Variants in ADCY2 observed in about 807,000 individuals in gnomAD.
ADCY2 encodes the protein adenylate cyclase type 2.
A neutral mutation model predicts 125.2 loss-of-function variants in ADCY2; 31 were observed. The ratio of observed to expected loss-of-function variants is 0.25; its 90% CI spans 0.19 to 0.33. ADCY2 has a LOEUF of 0.33. ADCY2 is among the 10% of genes least tolerant of loss of function. The probability of loss-of-function intolerance (pLI) is 1.00; values close to 1 mark genes in which losing one functional copy is unlikely to be tolerated. For missense variants in ADCY2, 904 were observed against 1,418.2 expected, an observed-to-expected ratio of 0.64 and a Z score of 5.82; for synonymous variants, 512 against 548.4, an observed-to-expected ratio of 0.93 and a Z score of 0.93.
At chr5:7,803,974 T>C (rs1287673448) in intron 21 of ADCY2, among the ~76,000 whole-genome samples, 2 of 147,844 alleles carry the variant, frequency 1.4e-5, no homozygotes, top group Non-Finnish European at 3.0e-5. Context: ...GTATATCGTA[T>C]GGCTCCTCTT....
chr5:7,708,000 A>G, intron 9 of ADCY2, 162 bp downstream of exon 9: 1 of 755,930 alleles, frequency 1.3e-6, no homozygotes, highest in African/African-American at 1.8e-5. Flanking sequence ...ATGTTTTGTA[A>G]TTATGAATTC....
intron 22 of ADCY2, among the ~76,000 whole-genome samples, chr5:7,805,634 C>G (rs908220485): frequency 6.6e-6 from 1 of 152,110 alleles, no homozygotes; most frequent in Admixed American, 6.6e-5. Flanking sequence ...TGTGGACAGG[C>G]AGGTTCTCAA....
At chr5:7,669,708 C>G (rs967538167) in intron 4 of ADCY2, among the ~76,000 whole-genome samples, 2 of 152,174 alleles carry the variant, frequency 1.3e-5, no homozygotes, top group African/African-American at 4.8e-5. Context: ...TGTGTACGTG[C>G]ACAGGGTTTT....
chr5:7,557,712 A>C (rs1735570361), intron 3 of ADCY2, among the ~76,000 whole-genome samples: 1 of 152,160 alleles, frequency 6.6e-6, no homozygotes, highest in Non-Finnish European at 1.5e-5. Context: ...TGTTCTTTTT[A>C]TGGCTGCATA....
intron 1 of ADCY2, among the ~76,000 whole-genome samples, chr5:7,401,970 C>T (rs1739280212): frequency 6.6e-6 from 1 of 152,152 alleles, no homozygotes; most frequent in Admixed American, 6.5e-5. Context: ...TCATTTCTTC[C>T]TTCATTGAGT....
rs1739862342 is a variant in ADCY2, at chr5:7,414,572, G to A, written c.211-1G>A. ...TTCCATGTATTTTTTTATCTCCTCAGGAAGTTGAAGACCATGTGGCGTTTC... is the reference window on the plus strand; with the variant it reads ...TTCCATGTATTTTTTTATCTCCTCAAGAAGTTGAAGACCATGTGGCGTTTC... On this transcript the variant is annotated splice_acceptor_variant, in intron 1 of 24. Transcript: ENST00000338316. LOFTEE classifies it high-confidence loss of function. The A allele has an allele frequency of 6.2e-7, 1 of 1,605,862 alleles. No homozygotes were observed. The highest frequency in any genetic ancestry group is 8.5e-7 in the Non-Finnish European group (1 of 1,177,098).
At chr5:7,762,228 A>G (rs190151940) in intron 16 of ADCY2, among the ~76,000 whole-genome samples, 3 of 152,224 alleles carry the variant, frequency 2.0e-5, no homozygotes, top group Non-Finnish European at 4.4e-5. Context: ...CTCCTCTTGT[A>G]CTTATGTCAA....
At chr5:7,532,929 GCTTT>G (rs1734697199) in intron 3 of ADCY2, among the ~76,000 whole-genome samples, 1 of 151,368 alleles carries the variant, frequency 6.6e-6, no homozygotes, top group Non-Finnish European at 1.5e-5. Context: ...GATTCTGAGT[GCTTT>G]ATTCATGAGC....
rs1744277290 is a variant in ADCY2, at chr5:7,517,073, T to C, written c.409-3665T>C. On this transcript the variant is annotated intron_variant, in intron 2 of 24. Transcript: ENST00000338316. The stretch of plus-strand genomic sequence containing the variant: ...GAACATAAAGAAGCTCTTGGTTGAT[T>C]TGAAACTTGTGGAGCTTGAGATGCA... 4.6e-5 allele frequency among the ~76,000 whole-genome samples: 7 copies of C among 152,124 alleles called. 1 individual carries two copies. The highest frequency in any genetic ancestry group is 4.6e-4 in the Admixed American group (7 of 15,276).
At chr5:7,646,404 G>T (rs1738898652) in intron 4 of ADCY2, among the ~76,000 whole-genome samples, 4 of 151,668 alleles carry the variant, frequency 2.6e-5, no homozygotes, top group Admixed American at 2.6e-4. Context: ...CACAGTAAAT[G>T]CTTTACTTTT....
intron 22 of ADCY2, among the ~76,000 whole-genome samples, chr5:7,816,532 A>G (rs326155): frequency 0.021 from 3,270 of 152,346 alleles, 130 homozygotes; most frequent in African/African-American, 0.075. Context: ...AGGAGGGAAG[A>G]AGGCGCCAGC....
At chr5:7,624,668 T>C (rs572472181) in intron 3 of ADCY2, among the ~76,000 whole-genome samples, 1 of 152,326 alleles carries the variant, frequency 6.6e-6, no homozygotes, top group African/African-American at 2.4e-5. Context: ...TTCAGTCCTG[T>C]CACAAGGAAC....
chr5:7,650,661 T>C (rs982857837), intron 4 of ADCY2, among the ~76,000 whole-genome samples: 3 of 152,162 alleles, frequency 2.0e-5, no homozygotes. Context: ...TATGTTCCAG[T>C]ATTGCTGCTG....
chr5:7,562,361 A>G (rs1321254208), intron 3 of ADCY2, among the ~76,000 whole-genome samples: 1 of 152,184 alleles, frequency 6.6e-6, no homozygotes, highest in Non-Finnish European at 1.5e-5. Flanking sequence ...AAAGATATTA[A>G]ATAAAAGTGG....
intron 20 of ADCY2, among the ~76,000 whole-genome samples, chr5:7,791,224 G>C (rs1744240649): frequency 6.6e-6 from 1 of 151,958 alleles, no homozygotes. Context: ...AACTTTTAGT[G>C]AGTTTGGGGT....
At chr5:7,801,363 A>G (rs897194418) in intron 20 of ADCY2, 4 of 151,944 alleles carry the variant, frequency 2.6e-5, no homozygotes, top group African/African-American at 9.7e-5. Context: ...AACTCTCCTC[A>G]CCTTTCCTGG....
At chr5:7,436,195 C>T (rs2126387570) in intron 2 of ADCY2, among the ~76,000 whole-genome samples, 1 of 152,238 alleles carries the variant, frequency 6.6e-6, no homozygotes, top group Middle Eastern at 3.4e-3. Flanking sequence ...AATATTGTGA[C>T]CAGGGGTGCA....
intron 4 of ADCY2, among the ~76,000 whole-genome samples, chr5:7,664,096 G>A (rs1001878128): frequency 6.6e-6 from 1 of 152,176 alleles, no homozygotes; most frequent in African/African-American, 2.4e-5. Flanking sequence ...GGTTTTCAAG[G>A]TAACACTAGC....
chr5:7,429,930 C>A (rs1740526802), intron 2 of ADCY2, among the ~76,000 whole-genome samples: 1 of 152,036 alleles, frequency 6.6e-6, no homozygotes, highest in African/African-American at 2.4e-5. Flanking sequence ...CCAACTGGTT[C>A]TTTGGGAAGG....
Sources: gnomAD v4.1 joint callset for allele counts (sites outside exome capture counted in the v4.1 genomes callset) on GRCh38, gnomAD v4.1.1 for gene constraint, MANE v1.5 for transcripts, NCBI Gene and HGNC (gene_info 2026-07-23, HGNC 2026-07-21) for gene names.